Variants in TUSC3 observed in about 807,000 individuals in gnomAD.
TUSC3 encodes the protein dolichyl-diphosphooligosaccharide--protein glycosyltransferase subunit TUSC3.
TUSC3 carries 45 observed loss-of-function variants against 44.8 expected under a neutral mutation model. The ratio of observed to expected loss-of-function variants is 1.00; its 90% CI spans 0.79 to 1.29. The LOEUF (loss-of-function observed/expected upper bound fraction) is 1.29. Ranked by LOEUF, TUSC3 falls within the 50% of genes most tolerant of loss-of-function variation. The probability of loss-of-function intolerance (pLI) is 0.00; values close to 1 mark genes in which losing one functional copy is unlikely to be tolerated. For missense variants in TUSC3, 519 were observed against 437.9 expected, an observed-to-expected ratio of 1.19 and a Z score of -1.65; for synonymous variants, 212 against 152.9, an observed-to-expected ratio of 1.39 and a Z score of -2.85.
At chr8:15,737,744 G>A (rs895803021) in intron 7 of TUSC3, among the ~76,000 whole-genome samples, 6 of 152,086 alleles carry the variant, frequency 3.9e-5, no homozygotes, top group South Asian at 2.1e-4. Flanking sequence ...TTGGTCAGAC[G>A]TAGAATCTTT....
At chr8:15,755,315 T>C (rs1378296801) in intron 9 of TUSC3, among the ~76,000 whole-genome samples, 1 of 152,150 alleles carries the variant, frequency 6.6e-6, no homozygotes, top group Non-Finnish European at 1.5e-5. Flanking sequence ...ACTTAGCACA[T>C]TGCCTGGTAC....
chr8:15,808,122 G>T, the TUSC3 span, among the ~76,000 whole-genome samples: 1 of 152,192 alleles, frequency 6.6e-6, no homozygotes, highest in Non-Finnish European at 1.5e-5. Flanking sequence ...TCATTTTATT[G>T]TAGAGATTAG....
intron 5 of TUSC3, among the ~76,000 whole-genome samples, chr8:15,672,659 G>T (rs867320729): frequency 4.6e-5 from 7 of 152,040 alleles, no homozygotes; most frequent in African/African-American, 1.7e-4. Context: ...ACTCCTGTTT[G>T]TGAATATCTT....
At chr8:15,483,229 T>C (rs181225061) in intron 1 of TUSC3, among the ~76,000 whole-genome samples, 67 of 152,336 alleles carry the variant, frequency 4.4e-4, no homozygotes, top group African/African-American at 1.5e-3. Context: ...AATATACTTC[T>C]AATTTTCAGG....
intron 5 of TUSC3, among the ~76,000 whole-genome samples, chr8:15,672,976 T>C (rs976394910): frequency 6.6e-6 from 1 of 152,080 alleles, no homozygotes. Context: ...TGTTTTAACC[T>C]AGAGAACACA....
the TUSC3 span, among the ~76,000 whole-genome samples, chr8:15,825,119 A>C: frequency 6.6e-6 from 1 of 152,178 alleles, no homozygotes; most frequent in African/African-American, 2.4e-5. Flanking sequence ...TACTGCCAGA[A>C]ATTATGGTCA....
At chr8:15,603,403 G>A (rs1804375431) in intron 1 of TUSC3, among the ~76,000 whole-genome samples, 1 of 151,660 alleles carries the variant, frequency 6.6e-6, no homozygotes, top group Admixed American at 6.6e-5. Context: ...GAACCCACAT[G>A]TTGCTGGTAG....
chr8:15,799,806 C>T, the TUSC3 span, among the ~76,000 whole-genome samples: 1 of 152,110 alleles, frequency 6.6e-6, no homozygotes, highest in East Asian at 1.9e-4. Flanking sequence ...GTGTGCCTGC[C>T]CCAGTTTCAT....
chr8:15,479,540 A>T (rs2129124144), intron 1 of TUSC3, among the ~76,000 whole-genome samples: 1 of 152,270 alleles, frequency 6.6e-6, no homozygotes, highest in Middle Eastern at 3.4e-3. Flanking sequence ...TTAGTTAAGG[A>T]ATCCTTTTCC....
intron 9 of TUSC3, among the ~76,000 whole-genome samples, chr8:15,752,171 A>G (rs1255108882): frequency 6.6e-6 from 1 of 152,122 alleles, no homozygotes; most frequent in Non-Finnish European, 1.5e-5. Flanking sequence ...ACTCCAGAAG[A>G]AGGCTTGAAT....
intron 5 of TUSC3, among the ~76,000 whole-genome samples, chr8:15,665,068 C>G (rs960417196): frequency 2.6e-5 from 4 of 151,446 alleles, no homozygotes; most frequent in Admixed American, 2.6e-4. Context: ...AAACATTTGT[C>G]TGTTTAAAAT....
chr8:15,437,512 A>G (rs1799964218), intron 1 of TUSC3, among the ~76,000 whole-genome samples: 1 of 152,208 alleles, frequency 6.6e-6, no homozygotes, highest in African/African-American at 2.4e-5. Context: ...TGCAGCAATG[A>G]AAAGAATTTT....
rs549062610 is a variant in TUSC3 at position 15,497,938 on chromosome 8, G to A, written n.189+14455G>A. Among the ~76,000 whole-genome samples the A allele has an allele frequency of 6.6e-5, 10 of 151,914 alleles. 1 individual carries two copies. The South Asian group carries it at 1.5e-3, about 22-fold the overall frequency. On this transcript the variant is annotated intron_variant and non_coding_transcript_variant, in intron 2 of 5. Coordinates refer to the TUSC3 transcript ENST00000503191. ...TAATTTTTATATTTTTACTAGAGAT[G>A]GGGTTTCACCATGTTTGCCAGGCTG...
chr8:15,647,072 T>G (rs562618578), intron 2 of TUSC3, among the ~76,000 whole-genome samples: 1 of 152,270 alleles, frequency 6.6e-6, no homozygotes, highest in African/African-American at 2.4e-5. Context: ...CAAATTCTGT[T>G]GGCTATCGTT....
chr8:15,504,609 ATATATATATATATTTTTTTTTTT>A lies in TUSC3; in HGVS notation n.189+21128_189+21150del, dbSNP rs1398737276. Reference sequence around the variant, plus strand: ...TATATATATATATATATATATATATATATATATATATATTTTTTTTTTTTTTTTTTTTTAAGTGGGTTTTTTTT... The same window carrying A: ...TATATATATATATATATATATATATATTTTTTTTTTAAGTGGGTTTTTTTT... On this transcript the variant is annotated intron_variant and non_coding_transcript_variant, in intron 2 of 5. Transcript: ENST00000503191. 2.0e-3 allele frequency among the ~76,000 whole-genome samples: 51 copies of A among 25,986 alleles called. 1 individual carries two copies. The highest frequency in any genetic ancestry group is 7.1e-3 in the African/African-American group (49 of 6,864). The allele number at this position is 25,986 out of a possible 152,430, so 17.0% of individuals were successfully genotyped here.
chr8:15,780,612 C>T, the TUSC3 span, among the ~76,000 whole-genome samples: 1 of 152,196 alleles, frequency 6.6e-6, no homozygotes, highest in Non-Finnish European at 1.5e-5. Flanking sequence ...GACTAGTCTG[C>T]ATCAGAGAGC....
chr8:15,652,885 A>C (rs543465306), intron 3 of TUSC3, among the ~76,000 whole-genome samples: 1 of 152,166 alleles, frequency 6.6e-6, no homozygotes, highest in Non-Finnish European at 1.5e-5. Flanking sequence ...GGGTTAGTTT[A>C]GTTTCATTGT....
intron 1 of TUSC3, among the ~76,000 whole-genome samples, chr8:15,462,037 G>T (rs1477920694): frequency 6.6e-6 from 1 of 151,966 alleles, no homozygotes; most frequent in East Asian, 1.9e-4. Context: ...CAAGTCATAA[G>T]ACCCCTGGAT....
intron 2 of TUSC3, among the ~76,000 whole-genome samples, chr8:15,649,805 C>A (rs1806807568): frequency 6.6e-6 from 1 of 152,036 alleles, no homozygotes; most frequent in African/African-American, 2.4e-5. Flanking sequence ...GCTCCAAGTC[C>A]TTTTGTTATT....
Sources: allele counts gnomAD v4.1 joint callset (sites outside exome capture counted in the v4.1 genomes callset), GRCh38; gene constraint gnomAD v4.1.1; transcripts MANE v1.5; gene names NCBI Gene and HGNC (gene_info 2026-07-23, HGNC 2026-07-21).